The following OTULINL variants were observed in gnomAD, a reference collection of about 807,000 sequenced individuals.
The protein encoded by OTULINL is inactive ubiquitin thioesterase OTULINL.
A neutral mutation model predicts 43.9 loss-of-function variants in OTULINL; 42 were observed. The observed-to-expected ratio is 0.96, with a 90% confidence interval of 0.75 to 1.24. The LOEUF (loss-of-function observed/expected upper bound fraction) is 1.24. Among genes scored for constraint, OTULINL ranks in the 50% most tolerant of loss-of-function variants. The pLI, the probability that OTULINL is intolerant of heterozygous loss-of-function variation, is 0.00. For missense variants in OTULINL, 411 were observed against 426.4 expected (o/e 0.96, Z 0.32); for synonymous variants, 172 against 153.6 (o/e 1.12, Z -0.88).
chr5:14,596,889 G>A (rs942659387), intron 1 of OTULINL, among the ~76,000 whole-genome samples: 8 of 152,034 alleles, frequency 5.3e-5, no homozygotes, highest in Non-Finnish European at 8.8e-5. Flanking sequence ...CTGTCATGGG[G>A]GCCCCATGCT....
intron 1 of OTULINL, among the ~76,000 whole-genome samples, chr5:14,599,688 C>A (rs1759349505): frequency 6.6e-6 from 1 of 152,066 alleles, no homozygotes; most frequent in African/African-American, 2.4e-5. Context: ...TTGCAATGAA[C>A]CCCAGAGGTT....
Position 14,608,839 on chromosome 5 carries a change from A to G in OTULINL, c.719A>G (p.Tyr240Cys), listed in dbSNP as rs1215499691. The change falls in exon 7 of 8, where the codon TAT (tyrosine) becomes TGT (cysteine). Residue 240 changes from tyrosine (Y) to cysteine (C), a missense_variant. By Grantham distance (194) the Tyr-to-Cys change is radical. Coordinates refer to ENST00000274217, the MANE Select transcript of OTULINL (RefSeq NM_019018.3). ...FSDAILEYKL[Y>C]EALKFIMLYQ... ...GATGCCATTCTGGAATATAAACTTT[A>G]TGAAGCTTTAAAGTTCATCATGCTG... is the stretch of plus-strand genomic sequence containing the variant. The G allele has an allele frequency of 2.5e-6, 4 of 1,613,978 alleles. No individual in the cohort carries two copies. In the African/African-American group the frequency reaches 4.0e-5, roughly 16 times the overall value.
chr5:14,608,999 C>T lies in OTULINL; in HGVS notation c.879C>T (p.Asp293=). The T allele has an allele frequency of 6.2e-7, 1 of 1,612,848 alleles. No individual in the cohort carries two copies. The highest frequency in any genetic ancestry group is 8.5e-7 in the Non-Finnish European group (1 of 1,179,246). The part of the protein sequence containing the change: ...FMMNHLNSVG[D]TCGLEQIDMF... ...TGAATCACCTGAATTCTGTAGGCGA[C>T]ACATGTGGACTAGAGCAGGTAACCG... is the stretch of plus-strand genomic sequence containing the variant. The change falls in exon 7 of 8, where the codon GAC becomes GAT. Residue 293 remains aspartate, a synonymous_variant. Transcript: ENST00000274217.
chr5:14,585,998 T>G (rs999242117), intron 1 of OTULINL, among the ~76,000 whole-genome samples: 1 of 152,244 alleles, frequency 6.6e-6, no homozygotes, highest in Non-Finnish European at 1.5e-5. Flanking sequence ...GGAGAGAGAT[T>G]ATGAAAAAGT....
chr5:14,598,316 A>C (rs1269880730), intron 1 of OTULINL, among the ~76,000 whole-genome samples: 1 of 152,218 alleles, frequency 6.6e-6, no homozygotes, highest in Non-Finnish European at 1.5e-5. Flanking sequence ...AAGAGATGTG[A>C]ACAGCCAGTA....
chr5:14,602,167 CTT>C lies in OTULINL; in HGVS notation c.349-12_349-11del. On this transcript the variant is annotated splice_polypyrimidine_tract_variant and intron_variant, in intron 4 of 7. Transcript: ENST00000274217. ...CAGTGGAATTAATAAACAACTTTCT[CTT>C]TTTATTTTATTAGGCTTATGAGGAG... 1 of 1,544,614 alleles carries C rather than the reference CTT, an allele frequency of 6.5e-7. No homozygotes were observed. The highest frequency in any genetic ancestry group is 8.7e-7 in the Non-Finnish European group (1 of 1,145,848).
At chr5:14,582,620 C>T (rs918106862) in intron 1 of OTULINL, among the ~76,000 whole-genome samples, 1 of 151,862 alleles carries the variant, frequency 6.6e-6, no homozygotes, top group Non-Finnish European at 1.5e-5. Flanking sequence ...ATAGCGAAAC[C>T]CTGGCCAGCA....
intron 5 of OTULINL, among the ~76,000 whole-genome samples, chr5:14,606,246 A>G (rs545499676): frequency 5.3e-5 from 8 of 152,292 alleles, no homozygotes; most frequent in South Asian, 2.1e-4. Flanking sequence ...TTTTAAAACC[A>G]TCAGATCTTG....
At chr5:14,583,867 A>G (rs933352725) in intron 1 of OTULINL, among the ~76,000 whole-genome samples, 6 of 152,204 alleles carry the variant, frequency 3.9e-5, no homozygotes, top group African/African-American at 1.4e-4. Context: ...GTAAAACCAG[A>G]CAACAGAAGA....
rs1430466703 is a variant in OTULINL at position 14,614,736 on chromosome 5, G to T, written c.*4422G>T. On this transcript the variant is annotated 3_prime_UTR_variant, in exon 8 of 8. Coordinates refer to ENST00000274217, the MANE Select transcript of OTULINL (RefSeq NM_019018.3). ...CTCAAGCTCCATGTGGGAACAGTGT[G>T]GCCCAAGAGCCAGCATGGAGGAGGG... 3 of 398,514 alleles carry T rather than the reference G, an allele frequency of 7.5e-6. No individual in the cohort carries two copies. The highest frequency in any genetic ancestry group is 8.8e-6 in the Non-Finnish European group (2 of 226,090). 24.7% of individuals were successfully genotyped at this position (398,514 alleles called of 1,614,324 possible).
chr5:14,607,813 A>AT (rs1759508724), intron 6 of OTULINL, among the ~76,000 whole-genome samples: 1 of 152,228 alleles, frequency 6.6e-6, no homozygotes, highest in African/African-American at 2.4e-5. Context: ...TAACTTGGTA[A>AT]TGGCACAGAT....
intron 1 of OTULINL, among the ~76,000 whole-genome samples, chr5:14,598,338 G>C (rs543449698): frequency 2.0e-5 from 3 of 152,190 alleles, no homozygotes; most frequent in African/African-American, 7.2e-5. Context: ...GTACAGGAGA[G>C]CTTTCCTTGT....
chr5:14,588,566 A>G (rs946803563), intron 1 of OTULINL, among the ~76,000 whole-genome samples: 1 of 152,250 alleles, frequency 6.6e-6, no homozygotes, highest in African/African-American at 2.4e-5. Flanking sequence ...CTTAGTTAGC[A>G]TAAGTGTGGT....
In OTULINL at chr5:14,607,315, T is replaced by C. The variant is rs777930699; in HGVS notation, c.499-15T>C. On this transcript the variant is annotated splice_polypyrimidine_tract_variant and intron_variant, in intron 5 of 7. Transcript: ENST00000274217. ...TCATATGCTAATCATAGTTGGCATC[T>C]ACTTCCTTTTCAAGCTTCCTGAAAA... 8 of 1,613,068 alleles carry C rather than the reference T, an allele frequency of 5.0e-6. No individual in the cohort carries two copies. In the African/African-American group the frequency reaches 8.0e-5, roughly 16 times the overall value.
At chr5:14,586,718 C>G (rs1422653336) in intron 1 of OTULINL, among the ~76,000 whole-genome samples, 1 of 152,038 alleles carries the variant, frequency 6.6e-6, no homozygotes, top group African/African-American at 2.4e-5. Context: ...ATAAATACCT[C>G]AGCTCTTTCT....
intron 1 of OTULINL, among the ~76,000 whole-genome samples, chr5:14,589,444 AG>A (rs1178698703): frequency 6.6e-6 from 1 of 152,054 alleles, no homozygotes; most frequent in Non-Finnish European, 1.5e-5. Flanking sequence ...TATTGGAGCA[AG>A]GGGAGGAGGT....
At chr5:14,607,714 C>T (rs543125231) in intron 6 of OTULINL, among the ~76,000 whole-genome samples, 2 of 152,324 alleles carry the variant, frequency 1.3e-5, no homozygotes, top group African/African-American at 4.8e-5. Context: ...TTAAACCTTA[C>T]CAATCATGTA....
intron 7 of OTULINL, 76 bp from the exon 8 acceptor site, chr5:14,610,065 A>T (rs976504507): frequency 1.8e-5 from 24 of 1,302,744 alleles, no homozygotes; most frequent in African/African-American, 4.4e-5. Context: ...CTGCAGAGGA[A>T]CACTTCCCCC....
rs1178891946 is a variant in OTULINL, at chr5:14,601,439, G to C, written c.345G>C (p.Arg115Ser). 1 of 1,613,338 alleles carries C rather than the reference G, an allele frequency of 6.2e-7. No individual in the cohort carries two copies. Among genetic ancestry groups the C allele is most frequent in the Non-Finnish European group, 8.5e-7 (1 of 1,179,402 alleles). ...AGACACCCCGTAACAAGCTGATGAG[G>C]AAGGTGTGTCTGTTTTTAGAGGGTA... Reference protein sequence around the residue: ...KGETPRNKLMRKAYEELFWRH... With the variant: ...KGETPRNKLMSKAYEELFWRH... Residue 115 changes from arginine (R) to serine (S), a missense_variant, in exon 4 of 8, where the codon AGG becomes AGC. Physicochemically the swap from Arg to Ser is moderately radical, Grantham distance 110 (BLOSUM62 -1). Transcript: ENST00000274217.
Sources: allele counts gnomAD v4.1 joint callset (sites outside exome capture counted in the v4.1 genomes callset), GRCh38; gene constraint gnomAD v4.1.1; transcripts MANE v1.5; gene names NCBI Gene and HGNC (gene_info 2026-07-23, HGNC 2026-07-21).